Variants in MEF2A observed in about 807,000 individuals in gnomAD.
MEF2A encodes myocyte-specific enhancer factor 2A.
MEF2A carries 28 observed loss-of-function variants against 55.8 expected under a neutral mutation model. That is an observed-to-expected ratio of 0.50 (90% confidence interval 0.37 to 0.69). MEF2A has a LOEUF of 0.69. Among genes scored for constraint, MEF2A ranks in the 30% least tolerant of loss-of-function variants. The pLI, the probability that MEF2A is intolerant of heterozygous loss-of-function variation, is 0.00. For missense variants in MEF2A, 528 were observed against 626.2 expected (o/e 0.84, Z 1.67); for synonymous variants, 239 against 227.1 (o/e 1.05, Z -0.47).
chr15:99,584,647 A>G (rs942781661), intron 1 of MEF2A, among the ~76,000 whole-genome samples: 4 of 152,190 alleles, frequency 2.6e-5, no homozygotes, highest in Non-Finnish European at 2.9e-5. Flanking sequence ...AGAGACAGAA[A>G]GTAGGTGTCC....
chr15:99,586,579 T>C (rs1967356639), intron 1 of MEF2A, among the ~76,000 whole-genome samples: 1 of 152,176 alleles, frequency 6.6e-6, no homozygotes, highest in Non-Finnish European at 1.5e-5. Flanking sequence ...TAGAAGTCTT[T>C]TTTTCATTTT....
Position 99,715,762 on chromosome 15 carries a change from TTAAAG to T in MEF2A, c.*2994_*2998del, listed in dbSNP as rs1213276675. On this transcript the variant is annotated 3_prime_UTR_variant, in exon 12 of 12. Transcript: ENST00000557942. ...GCAAAAAAAGCTTAAATTGCACTGG[TTAAAG>T]TACAGTTTCCAACAGCTGTCCTTCC... 1 of 152,212 alleles carries T rather than the reference TTAAAG, an allele frequency of 6.6e-6. No homozygotes were observed. The highest frequency in any genetic ancestry group is 1.5e-5 in the Non-Finnish European group (1 of 68,042). 9.4% of individuals were successfully genotyped at this position (152,212 alleles called of 1,614,324 possible).
intron 2 of MEF2A, among the ~76,000 whole-genome samples, chr15:99,604,452 C>G (rs970370869): frequency 2.0e-5 from 3 of 152,052 alleles, no homozygotes; most frequent in Non-Finnish European, 2.9e-5. Context: ...TTCTGAAAAT[C>G]ATTTTTCATT....
intron 1 of MEF2A, among the ~76,000 whole-genome samples, chr15:99,571,854 C>G (rs891731578): frequency 1.3e-5 from 2 of 152,166 alleles, no homozygotes; most frequent in Non-Finnish European, 1.5e-5. Flanking sequence ...TAAGTCCAAT[C>G]CATCCCCACG....
At chr15:99,574,260 A>G (rs1167863199) in intron 1 of MEF2A, among the ~76,000 whole-genome samples, 2 of 152,144 alleles carry the variant, frequency 1.3e-5, no homozygotes, top group East Asian at 3.8e-4. Context: ...AAACTCCTTG[A>G]TTACATCTTC....
At chr15:99,653,302 T>C (rs1340826210) in intron 4 of MEF2A, among the ~76,000 whole-genome samples, 1 of 152,220 alleles carries the variant, frequency 6.6e-6, no homozygotes, top group Non-Finnish European at 1.5e-5. Flanking sequence ...GAGACAGCTG[T>C]ATAGTTTTCA....
chr15:99,594,306 A>G (rs1970376202), intron 1 of MEF2A, among the ~76,000 whole-genome samples: 1 of 152,186 alleles, frequency 6.6e-6, no homozygotes, highest in Non-Finnish European at 1.5e-5. Context: ...TTTATCATGA[A>G]GGATATAGAT....
intron 4 of MEF2A, among the ~76,000 whole-genome samples, chr15:99,666,362 TCTCA>T (rs1377751574): frequency 6.6e-6 from 1 of 152,050 alleles, no homozygotes; most frequent in African/African-American, 2.4e-5. Flanking sequence ...CACCGCATGT[TCTCA>T]CTCATAAGTG....
At chr15:99,697,449 A>G (rs1018092931) in intron 8 of MEF2A, among the ~76,000 whole-genome samples, 22 of 151,726 alleles carry the variant, frequency 1.4e-4, no homozygotes, top group Admixed American at 2.6e-4. Context: ...GAACAATTGG[A>G]GTTTGAAATT....
chr15:99,575,378 C>T (rs1462811328), intron 1 of MEF2A, among the ~76,000 whole-genome samples: 2 of 152,006 alleles, frequency 1.3e-5, no homozygotes, highest in African/African-American at 2.4e-5. Flanking sequence ...AGAGTACAGA[C>T]CCTTTGTTTT....
At chr15:99,583,520 G>C (rs2152882599) in intron 1 of MEF2A, among the ~76,000 whole-genome samples, 1 of 152,112 alleles carries the variant, frequency 6.6e-6, no homozygotes, top group South Asian at 2.1e-4. Flanking sequence ...CTTGTTACAG[G>C]TGTTTGGGTG....
At chr15:99,676,485 A>G (rs766705354) in intron 7 of MEF2A, among the ~76,000 whole-genome samples, 1 of 151,560 alleles carries the variant, frequency 6.6e-6, no homozygotes, top group Non-Finnish European at 1.5e-5. Context: ...TTGGGTTGAC[A>G]CCCCAAAAGG....
chr15:99,676,610 T>C (rs899132679), intron 7 of MEF2A, among the ~76,000 whole-genome samples: 7 of 151,732 alleles, frequency 4.6e-5, no homozygotes, highest in Non-Finnish European at 8.8e-5. Flanking sequence ...CTCGCTCTTG[T>C]CGCCCAGGCT....
At position 99,712,549 on chromosome 15, in the gene MEF2A, A is replaced by ACCC. The variant is rs1567521333; in HGVS notation, c.1298_1299insCCC (p.Pro433dup). Reference sequence around the variant, plus strand: ...AGCAGCAGCAGCAGCCGCCGCCACCACCGCAGCCCCAGCCACAACCCCCGC... The same window carrying ACCC: ...AGCAGCAGCAGCAGCCGCCGCCACCACCCCCGCAGCCCCAGCCACAACCCCCGC... On this transcript the variant is annotated inframe_insertion, in exon 12 of 12. Transcript: ENST00000557942. This position sits in a 1 kb window ranked among gnomAD's most constrained non-coding sequence, Gnocchi z 4.1. 6.5e-7 allele frequency: 1 copy of ACCC among 1,550,042 alleles called. No individual in the cohort carries two copies. The highest frequency in any genetic ancestry group is 1.4e-5 in the African/African-American group (1 of 72,372).
At chr15:99,626,714 G>A (rs1596571887) in intron 2 of MEF2A, among the ~76,000 whole-genome samples, 1 of 152,154 alleles carries the variant, frequency 6.6e-6, no homozygotes, top group African/African-American at 2.4e-5. Flanking sequence ...TTTGCATTCA[G>A]TCTGTACATG....
intron 1 of MEF2A, among the ~76,000 whole-genome samples, chr15:99,571,584 CAT>C (rs1424604569): frequency 1.3e-5 from 2 of 152,122 alleles, no homozygotes; most frequent in Admixed American, 6.5e-5. Context: ...CTGAAAAGGC[CAT>C]ATGTTTTCAT....
In MEF2A at chr15:99,714,136, G is replaced by A. The variant is rs577078819; in HGVS notation, c.*1365G>A. 3.3e-5 allele frequency: 5 copies of A among 152,242 alleles called. No homozygotes were observed. Among genetic ancestry groups the A allele is most frequent in the Non-Finnish European group, 5.9e-5 (4 of 68,014 alleles). The allele number at this position is 152,242 out of a possible 1,614,324, so 9.4% of individuals were successfully genotyped here. ...GTAATCTTTGTGCTGTATGGGTTGA[G>A]CATCATTATATATTTTGTATGTGTA... On this transcript the variant is annotated 3_prime_UTR_variant, in exon 12 of 12. Coordinates refer to ENST00000557942, the MANE Select transcript of MEF2A (RefSeq NM_001319206.4).
Position 99,710,731 on chromosome 15 carries a change from C to T in MEF2A, c.1107C>T (p.His369=), listed in dbSNP as rs767723022. 19 of 1,611,886 alleles carry T rather than the reference C, an allele frequency of 1.2e-5. No individual in the cohort carries two copies. Among genetic ancestry groups the T allele is most frequent in the Non-Finnish European group, 1.4e-5 (17 of 1,178,218 alleles). The change falls in exon 11 of 12, where the codon CAC becomes CAT. Residue 369 remains histidine, a synonymous_variant. Coordinates refer to ENST00000557942, the MANE Select transcript of MEF2A (RefSeq NM_001319206.4). ...LGQVSAWQQH[H]LGQAALSSLV... ...AGGTGTCGGCCTGGCAGCAGCACCA[C>T]CTAGGACAAGCAGCCCTCAGCTCTC...
rs1417827984 is a variant in MEF2A at position 99,700,518 on chromosome 15, AC to A, written c.859-2843del. On this transcript the variant is annotated intron_variant, in intron 8 of 11. Transcript: ENST00000557942. ...CACAGCGAGACCCTGTCACACACAC[AC>A]AAAAAAGGTACAGTTGTGTGTACAT... Among the ~76,000 whole-genome samples, 12 of 151,844 alleles carry A rather than the reference AC, an allele frequency of 7.9e-5. No individual in the cohort carries two copies. The South Asian group carries it at 1.5e-3, about 19-fold the overall frequency.
Sources: allele counts gnomAD v4.1 joint callset (sites outside exome capture counted in the v4.1 genomes callset), GRCh38; gene constraint gnomAD v4.1.1; non-coding constraint Gnocchi (gnomAD v3.1); transcripts MANE v1.5; gene names NCBI Gene and HGNC (gene_info 2026-07-23, HGNC 2026-07-21).